AP3S1: variants seen among roughly 807,000 people sequenced by gnomAD.
The protein encoded by AP3S1 is AP-3 complex subunit sigma-1.
AP3S1 carries 12 observed loss-of-function variants against 21.3 expected under a neutral mutation model. The observed-to-expected ratio is 0.56, with a 90% CI of 0.36 to 0.91. The LOEUF (loss-of-function observed/expected upper bound fraction) is 0.91. Among genes scored for constraint, AP3S1 ranks in the 40% least tolerant of loss-of-function variants. AP3S1 has a pLI of 0.01. For missense variants in AP3S1, 116 were observed against 225.0 expected (o/e 0.52, Z 3.10); for synonymous variants, 48 against 78.4 (o/e 0.61, Z 2.05).
At chr5:115,842,953 A>G (rs914564589) in intron 1 of AP3S1, among the ~76,000 whole-genome samples, 2 of 149,666 alleles carry the variant, frequency 1.3e-5, no homozygotes, top group Non-Finnish European at 2.9e-5. Context: ...GTTTTTTTCT[A>G]TTTATGAAGA....
chr5:115,861,850 A>ATTTTC (rs1051068840), intron 1 of AP3S1, among the ~76,000 whole-genome samples: 5 of 138,804 alleles, frequency 3.6e-5, no homozygotes, highest in South Asian at 2.2e-4. Flanking sequence ...CCAGGCCAAA[A>ATTTTC]TTTTCTTTTC....
intron 4 of AP3S1, among the ~76,000 whole-genome samples, chr5:115,898,388 T>A (rs1395627959): frequency 6.6e-6 from 1 of 152,210 alleles, no homozygotes; most frequent in Admixed American, 6.5e-5. Flanking sequence ...AATAACTGTA[T>A]CAATCACATA....
intron 1 of AP3S1, among the ~76,000 whole-genome samples, chr5:115,857,377 G>T (rs1031529022): frequency 6.6e-6 from 1 of 152,212 alleles, no homozygotes; most frequent in Non-Finnish European, 1.5e-5. Context: ...CCATGAGGTA[G>T]ATATTGTTGC....
chr5:115,853,250 A>T (rs1433956954), intron 1 of AP3S1, among the ~76,000 whole-genome samples: 3 of 152,130 alleles, frequency 2.0e-5, no homozygotes, highest in African/African-American at 7.2e-5. Flanking sequence ...TCTTCATGTG[A>T]TTATCATCCA....
At chr5:115,878,565 T>C (rs1232120433) in intron 3 of AP3S1, among the ~76,000 whole-genome samples, 2 of 152,232 alleles carry the variant, frequency 1.3e-5, no homozygotes, top group Non-Finnish European at 2.9e-5. Flanking sequence ...TATACCTGTT[T>C]TGGCACCAGT....
chr5:115,854,346 C>A (rs551819582), intron 1 of AP3S1, among the ~76,000 whole-genome samples: 2 of 152,210 alleles, frequency 1.3e-5, no homozygotes, highest in African/African-American at 4.8e-5. Flanking sequence ...TTTGTGCATG[C>A]TAAGCATTTT....
At chr5:115,867,385 A>G (rs991176787) in intron 2 of AP3S1, among the ~76,000 whole-genome samples, 5 of 152,126 alleles carry the variant, frequency 3.3e-5, no homozygotes, top group East Asian at 1.9e-4. Context: ...CAATTTTTCT[A>G]TTTTTAAAAT....
rs369151718 is a variant in AP3S1 at position 115,890,182 on chromosome 5, T to C, written c.274-4905T>C. On this transcript the variant is annotated intron_variant, in intron 3 of 5. Transcript: ENST00000316788. ...GTAGATATGTGTATACGTATATATA[T>C]GTTCACTAAAAGATGTGTAAGAAAT... is the stretch of plus-strand genomic sequence containing the variant. Among the ~76,000 whole-genome samples, 8 of 152,312 alleles carry C rather than the reference T, an allele frequency of 5.3e-5. No individual in the cohort carries two copies. The East Asian group carries it at 1.2e-3, about 22-fold the overall frequency.
At chr5:115,853,816 ACT>A (rs1209551552) in intron 1 of AP3S1, among the ~76,000 whole-genome samples, 2 of 151,924 alleles carry the variant, frequency 1.3e-5, no homozygotes, top group Non-Finnish European at 2.9e-5. Flanking sequence ...ACCATGGTTG[ACT>A]CTCTAAATAT....
chr5:115,864,333 C>T (rs1190003301), intron 1 of AP3S1, among the ~76,000 whole-genome samples: 1 of 152,102 alleles, frequency 6.6e-6, no homozygotes, highest in Non-Finnish European at 1.5e-5. Flanking sequence ...ATTGGACAAT[C>T]CCCCTGGCAT....
intron 3 of AP3S1, among the ~76,000 whole-genome samples, chr5:115,891,175 C>T (rs1283853026): frequency 6.6e-6 from 1 of 152,074 alleles, no homozygotes; most frequent in Non-Finnish European, 1.5e-5. Flanking sequence ...TAATTTTTTA[C>T]CTACCAAAAA....
At chr5:115,872,593 G>T (rs897468009) in intron 3 of AP3S1, among the ~76,000 whole-genome samples, 1 of 152,136 alleles carries the variant, frequency 6.6e-6, no homozygotes, top group South Asian at 2.1e-4. Flanking sequence ...TTTTGAGCTT[G>T]AGGTAAAGGT....
chr5:115,905,816 T>A (rs192880419), intron 5 of AP3S1, among the ~76,000 whole-genome samples: 1 of 152,326 alleles, frequency 6.6e-6, no homozygotes, highest in East Asian at 1.9e-4. Flanking sequence ...TTTCCTAATC[T>A]TCTTACTAAA....
At chr5:115,850,794 C>T (rs1483422448) in intron 1 of AP3S1, among the ~76,000 whole-genome samples, 1 of 152,158 alleles carries the variant, frequency 6.6e-6, no homozygotes, top group Admixed American at 6.5e-5. Flanking sequence ...AAAGAGTTTA[C>T]TTGAGCCAAA....
chr5:115,886,728 A>T (rs1266149007), intron 3 of AP3S1, among the ~76,000 whole-genome samples: 1 of 152,226 alleles, frequency 6.6e-6, no homozygotes, highest in East Asian at 1.9e-4. Context: ...GATCACCTGT[A>T]CCAAGTAAAT....
intron 3 of AP3S1, among the ~76,000 whole-genome samples, chr5:115,881,231 T>A (rs1749255749): frequency 6.6e-6 from 1 of 152,182 alleles, no homozygotes; most frequent in African/African-American, 2.4e-5. Context: ...GTGTATTTGA[T>A]CCTGTCATTA....
chr5:115,874,149 G>A (rs1748507531), intron 3 of AP3S1, among the ~76,000 whole-genome samples: 4 of 151,884 alleles, frequency 2.6e-5, no homozygotes, highest in Non-Finnish European at 2.9e-5. Flanking sequence ...ATCAGTTTTT[G>A]TTTTCTTTTG....
At chr5:115,861,627 T>C (rs1763189748) in intron 1 of AP3S1, among the ~76,000 whole-genome samples, 2 of 151,992 alleles carry the variant, frequency 1.3e-5, no homozygotes, top group Non-Finnish European at 2.9e-5. Flanking sequence ...TGATCTTGGC[T>C]CACTGTAACC....
At chr5:115,870,842 A>G (rs939957984) in intron 3 of AP3S1, among the ~76,000 whole-genome samples, 1 of 152,228 alleles carries the variant, frequency 6.6e-6, no homozygotes, top group East Asian at 1.9e-4. Flanking sequence ...TTAACCTGCC[A>G]TAATTTCATG....
Sources: gnomAD v4.1 joint callset for allele counts (sites outside exome capture counted in the v4.1 genomes callset) on GRCh38, gnomAD v4.1.1 for gene constraint, MANE v1.5 for transcripts, NCBI Gene and HGNC (gene_info 2026-07-23, HGNC 2026-07-21) for gene names.